The following DENND1B variants were observed in gnomAD, a reference collection of about 807,000 sequenced individuals.
DENND1B encodes the protein DENN domain-containing protein 1B.
A neutral mutation model predicts 90.1 loss-of-function variants in DENND1B; 59 were observed. The observed-to-expected ratio is 0.65, with a 90% confidence interval of 0.53 to 0.81. DENND1B has a LOEUF of 0.81. DENND1B is among the 40% of genes least tolerant of loss of function. The pLI is 0.00. For missense variants in DENND1B, 862 were observed against 912.6 expected, an observed-to-expected ratio of 0.94 and a Z score of 0.71; for synonymous variants, 337 against 324.6, an observed-to-expected ratio of 1.04 and a Z score of -0.41.
At chr1:197,639,883 C>T (rs1469853873) in intron 10 of DENND1B, among the ~76,000 whole-genome samples, 2 of 152,064 alleles carry the variant, frequency 1.3e-5, no homozygotes, top group Non-Finnish European at 2.9e-5. Flanking sequence ...AGTAAAGCAG[C>T]TTCCTCCATA....
chr1:197,703,281 C>A (rs1162981386), intron 3 of DENND1B, among the ~76,000 whole-genome samples: 1 of 151,444 alleles, frequency 6.6e-6, no homozygotes, highest in Non-Finnish European at 1.5e-5. Flanking sequence ...CCACAGCACT[C>A]GGCCCACTTC....
At chr1:197,780,421 G>A (rs1657397662), upstream of DENND1B, among the ~76,000 whole-genome samples, 2 of 151,706 alleles carry the variant, frequency 1.3e-5, no homozygotes. Context: ...CACCTCCTGG[G>A]TTCAAGCAAT....
chr1:197,578,670 A>G (rs1212614663), intron 15 of DENND1B, among the ~76,000 whole-genome samples: 1 of 152,184 alleles, frequency 6.6e-6, no homozygotes, highest in Non-Finnish European at 1.5e-5. Flanking sequence ...TGTACCCCAT[A>G]AACACACACT....
At chr1:197,604,000 C>CT (rs1173375132) in intron 13 of DENND1B, among the ~76,000 whole-genome samples, 3 of 150,924 alleles carry the variant, frequency 2.0e-5, no homozygotes, top group Non-Finnish European at 4.5e-5. Context: ...CTAACATTTA[C>CT]TTTTTTTTAT....
chr1:197,511,885 A>T lies in DENND1B; in HGVS notation c.1658T>A (p.Val553Asp). ...GTAAGGAGTCTTCACTCTTGTTTCAACAGAGTCATCACTCTCATAGAGATA... is the reference window on the plus strand; with the variant it reads ...GTAAGGAGTCTTCACTCTTGTTTCATCAGAGTCATCACTCTCATAGAGATA... Reference protein sequence around the residue: ...SAYLYESDDSVETRVKTPYSG... With the variant: ...SAYLYESDDSDETRVKTPYSG... The change falls in exon 22 of 23, where the codon GTT (valine) becomes GAT (aspartate). Residue 553 changes from valine to aspartate, a missense_variant. Coordinates refer to ENST00000620048, the MANE Select transcript of DENND1B (RefSeq NM_001195215.2). The T allele has an allele frequency of 6.2e-7, 1 of 1,611,224 alleles. No individual in the cohort carries two copies. The highest frequency in any genetic ancestry group is 1.1e-5 in the South Asian group (1 of 90,934).
intron 15 of DENND1B, among the ~76,000 whole-genome samples, chr1:197,570,413 A>G (rs974996762): frequency 3.3e-5 from 5 of 152,170 alleles, no homozygotes; most frequent in Non-Finnish European, 5.9e-5. Flanking sequence ...ATAACAATAT[A>G]GTTATCCAAG....
intron 10 of DENND1B, among the ~76,000 whole-genome samples, chr1:197,620,001 T>C (rs1678005823): frequency 6.6e-6 from 1 of 151,262 alleles, no homozygotes; most frequent in African/African-American, 2.4e-5. Flanking sequence ...GTTCTGGAAC[T>C]AAGCAACCAG....
chr1:197,573,569 GA>G (rs1474091953), intron 15 of DENND1B, among the ~76,000 whole-genome samples: 70 of 152,070 alleles, frequency 4.6e-4, no homozygotes, highest in Non-Finnish European at 5.9e-5. Flanking sequence ...ACAATCAATA[GA>G]AAAAGAGGGA....
At chr1:197,579,763 T>G (rs189102210) in intron 15 of DENND1B, among the ~76,000 whole-genome samples, 1 of 152,314 alleles carries the variant, frequency 6.6e-6, no homozygotes, top group East Asian at 1.9e-4. Context: ...TATCTTCAGC[T>G]TAGCAAACCT....
intron 2 of DENND1B, among the ~76,000 whole-genome samples, chr1:197,715,802 T>G (rs1660590792): frequency 6.6e-6 from 1 of 151,888 alleles, no homozygotes; most frequent in Non-Finnish European, 1.5e-5. Context: ...CACACTAAAA[T>G]GCTAAGATCT....
chr1:197,580,802 A>C (rs984518698), intron 15 of DENND1B, among the ~76,000 whole-genome samples: 1 of 152,182 alleles, frequency 6.6e-6, no homozygotes, highest in Non-Finnish European at 1.5e-5. Flanking sequence ...TCAGAATTAC[A>C]GGAACTGGGT....
chr1:197,703,941 T>C (rs948077073), intron 3 of DENND1B, among the ~76,000 whole-genome samples: 2 of 152,110 alleles, frequency 1.3e-5, no homozygotes, highest in South Asian at 4.1e-4. Flanking sequence ...TCTCCATCTC[T>C]CTCCAGTCCC....
intron 6 of DENND1B, among the ~76,000 whole-genome samples, chr1:197,654,371 G>A (rs1043863711): frequency 6.6e-6 from 1 of 152,068 alleles, no homozygotes; most frequent in African/African-American, 2.4e-5. Flanking sequence ...CAGCACTTTG[G>A]GGGGCTGAGG....
Position 197,505,068 on chromosome 1 carries a change from T to A in DENND1B, c.*5392A>T, listed in dbSNP as rs1333404425. 1 of 151,766 alleles carries A rather than the reference T, an allele frequency of 6.6e-6. No individual in the cohort carries two copies. The highest frequency in any genetic ancestry group is 2.4e-5 in the African/African-American group (1 of 41,392). 9.4% of individuals were successfully genotyped at this position (151,766 alleles called of 1,614,324 possible). ...AGAAATAAACTTTGGAAAAGTTCAA[T>A]TTTGAACCCCTCCTGTGGCTTTTAC... is the stretch of plus-strand genomic sequence containing the variant. On this transcript the variant is annotated 3_prime_UTR_variant, in exon 23 of 23. Coordinates refer to ENST00000620048, the MANE Select transcript of DENND1B (RefSeq NM_001195215.2).
At position 197,545,971 on chromosome 1, in the gene DENND1B, TTG is replaced by T. The variant is rs757947082; in HGVS notation, c.1299_1300del (p.Phe433LeufsTer16). Reference sequence around the variant, plus strand: ...AGGGGTTGCTTTGGTCATTGCTGTGTTGAACAGTGCACCTCCTTTCTGCAAAA... The same window carrying T: ...AGGGGTTGCTTTGGTCATTGCTGTGTAACAGTGCACCTCCTTTCTGCAAAA... On this transcript the variant is annotated frameshift_variant, in exon 18 of 23. Coordinates refer to ENST00000620048, the MANE Select transcript of DENND1B (RefSeq NM_001195215.2). LOFTEE classifies it high-confidence loss of function. 6.2e-7 allele frequency: 1 copy of T among 1,607,156 alleles called. No homozygotes were observed.
At chr1:197,545,725 T>A (rs546334734) in intron 18 of DENND1B, 197 bp downstream of exon 18, 32 of 478,376 alleles carry the variant, frequency 6.7e-5, no homozygotes, top group Middle Eastern at 5.6e-4. Context: ...CATTTTTAGA[T>A]TATATAAAAG....
At chr1:197,610,954 C>T (rs1362939) in intron 12 of DENND1B, among the ~76,000 whole-genome samples, 119,529 of 150,504 alleles carry the variant, frequency 0.79, 47,575 homozygotes, top group East Asian at 0.87. Context: ...CCTAGAGTAC[C>T]GGTCGGAATC....
At chr1:197,678,826 T>C (rs927807948) in intron 3 of DENND1B, among the ~76,000 whole-genome samples, 1 of 152,216 alleles carries the variant, frequency 6.6e-6, no homozygotes. Context: ...CTGAGGATGA[T>C]GGTTTCCAGC....
At chr1:197,648,502 G>A (rs1680931458) in intron 7 of DENND1B, among the ~76,000 whole-genome samples, 1 of 152,034 alleles carries the variant, frequency 6.6e-6, no homozygotes, top group Non-Finnish European at 1.5e-5. Context: ...AATTTAAAGG[G>A]AGAACACATT....
Sources: allele counts gnomAD v4.1 joint callset (sites outside exome capture counted in the v4.1 genomes callset), GRCh38; gene constraint gnomAD v4.1.1; transcripts MANE v1.5; gene names NCBI Gene and HGNC (gene_info 2026-07-23, HGNC 2026-07-21).